CD109: variants seen among roughly 807,000 people sequenced by gnomAD.
CD109 encodes the protein CD109 molecule.
In CD109, 149 loss-of-function variants were observed where a neutral mutation model predicts 165.8. The observed-to-expected ratio is 0.90, with a 90% CI of 0.79 to 1.03. CD109 has a LOEUF of 1.03. CD109 is among the 50% of genes least tolerant of loss of function. CD109 has a pLI of 0.00. For synonymous variants in CD109, 585 were observed against 592.1 expected, an observed-to-expected ratio of 0.99 and a Z score of 0.18; for missense variants, 1,712 against 1,677.8, an observed-to-expected ratio of 1.02 and a Z score of -0.36.
intron 20 of CD109, among the ~76,000 whole-genome samples, chr6:73,786,011 T>A (rs1278465782): frequency 6.6e-6 from 1 of 152,098 alleles, no homozygotes; most frequent in Non-Finnish European, 1.5e-5. Context: ...GCCCAGCTAA[T>A]TTTTGTGTTT....
intron 3 of CD109, 52 bp from the exon 4 acceptor site, chr6:73,730,292 T>A (rs986994902): frequency 8.8e-7 from 1 of 1,137,158 alleles, no homozygotes; most frequent in Non-Finnish European, 1.3e-6. Flanking sequence ...AATTAAAACA[T>A]TTTTGAGGTA....
At chr6:73,752,756 T>C (rs1459985529) in intron 5 of CD109, among the ~76,000 whole-genome samples, 1 of 152,206 alleles carries the variant, frequency 6.6e-6, no homozygotes, top group Non-Finnish European at 1.5e-5. Flanking sequence ...TTAAAAGACA[T>C]GCTGCCCAAG....
rs773349997 is a variant in CD109, at chr6:73,768,188, G to A, written c.1631G>A (p.Ser544Asn). Residue 544 changes from serine to asparagine, a missense_variant, in exon 14 of 33, where the codon AGT (serine) becomes AAT (asparagine). By Grantham distance (46) the Ser-to-Asn change is conservative (BLOSUM62 1). Coordinates refer to ENST00000287097, the MANE Select transcript of CD109 (RefSeq NM_133493.5). The part of the protein sequence containing the change: ...YYIEDDGEII[S>N]DVLKIPVQLV... ...ATTGAAGATGATGGGGAAATTATAAGTGATGTTCTAAAAATTCCTGTTCAG... is the reference window on the plus strand; with the variant it reads ...ATTGAAGATGATGGGGAAATTATAAATGATGTTCTAAAAATTCCTGTTCAG... 1.9e-5 allele frequency: 31 copies of A among 1,595,592 alleles called. No individual in the cohort carries two copies. The South Asian group carries it at 2.0e-4, about 10-fold the overall frequency.
In CD109 at chr6:73,824,859, A is replaced by G. The variant is rs1335891866; in HGVS notation, c.*1226A>G. 2.0e-5 allele frequency: 3 copies of G among 152,038 alleles called. No homozygotes were observed. Among genetic ancestry groups the G allele is most frequent in the Non-Finnish European group, 4.4e-5 (3 of 68,006 alleles). The allele number at this position is 152,038 out of a possible 1,614,324, so 9.4% of individuals were successfully genotyped here. ...TCCCTTTCTTCTTTGCCTTCTAAAT[A>G]TACTGAAATGATTTAGATATGTGTC... On this transcript the variant is annotated 3_prime_UTR_variant, in exon 33 of 33. Coordinates refer to ENST00000287097, the MANE Select transcript of CD109 (RefSeq NM_133493.5).
rs754018053 is a variant in CD109 at position 73,781,778 on chromosome 6, GACAC to G, written c.1963+473_1963+476del. ...ACACACACACACACACACAGACACA[GACAC>G]ACACACACACACAGAGACATAGACA... On this transcript the variant is annotated intron_variant, in intron 17 of 32. Transcript: ENST00000287097. 1.0e-4 allele frequency among the ~76,000 whole-genome samples: 13 copies of G among 124,088 alleles called. No individual in the cohort carries two copies. In the East Asian group the frequency reaches 2.1e-3, roughly 20 times the overall value. 81.4% of individuals were successfully genotyped at this position (124,088 alleles called of 152,430 possible). A position where few individuals can be genotyped will look rare whatever the true frequency, so the allele number is the denominator to read the frequency against.
chr6:73,742,197 C>CAGGG (rs1772814403), intron 5 of CD109, among the ~76,000 whole-genome samples: 1 of 149,560 alleles, frequency 6.7e-6, no homozygotes, highest in African/African-American at 2.5e-5. Flanking sequence ...CCCCCAGCCC[C>CAGGG]TGGCAGCCAC....
In CD109 at chr6:73,741,772, G is replaced by A. The variant is rs544890767; in HGVS notation, c.633+5264G>A. On this transcript the variant is annotated intron_variant, in intron 5 of 32. Transcript: ENST00000287097. ...TGCAACCTCCACCTCCCAGGTTGAA[G>A]TGATTTTCCTGCCTCAGCCTCCTGA... Among the ~76,000 whole-genome samples the A allele has an allele frequency of 2.2e-3, 332 of 152,306 alleles. 2 individuals are homozygous for A. Among genetic ancestry groups the A allele is most frequent in the Admixed American group, 5.6e-3 (86 of 15,292 alleles).
intron 5 of CD109, among the ~76,000 whole-genome samples, chr6:73,748,107 T>C (rs9350504): frequency 0.074 from 11,228 of 152,166 alleles, 870 homozygotes; most frequent in East Asian, 0.35. Context: ...TTAGCTCAAG[T>C]GATCTGCCTG....
At chr6:73,762,983 T>C in intron 9 of CD109, 101 bp downstream of exon 9, 1 of 1,028,418 alleles carries the variant, frequency 9.7e-7, no homozygotes, top group Non-Finnish European at 1.4e-6. Context: ...TCATTGACTT[T>C]CTAAAGATGC....
intron 7 of CD109, among the ~76,000 whole-genome samples, chr6:73,760,758 T>C (rs893326066): frequency 2.0e-5 from 3 of 152,122 alleles, no homozygotes; most frequent in African/African-American, 7.2e-5. Context: ...AAGCAGAGAA[T>C]TGATTGAACC....
At chr6:73,700,497 A>T (rs1465679602) in intron 2 of CD109, among the ~76,000 whole-genome samples, 1 of 152,182 alleles carries the variant, frequency 6.6e-6, no homozygotes, top group Non-Finnish European at 1.5e-5. Flanking sequence ...TATTTCCAGC[A>T]GTTTTGGATT....
At position 73,797,147 on chromosome 6, in the gene CD109, C is replaced by T. The variant is rs2118335; in HGVS notation, c.2878+4345C>T. On this transcript the variant is annotated intron_variant, in intron 23 of 32. Coordinates refer to ENST00000287097, the MANE Select transcript of CD109 (RefSeq NM_133493.5). ...AGCGCATTGTTTTACTTAAATCATG[C>T]TTGGCCCAGGAGTTCTGTAACCTAA... Among the ~76,000 whole-genome samples, 167 of 152,288 alleles carry T rather than the reference C, an allele frequency of 1.1e-3. 1 individual carries two copies. The highest frequency in any genetic ancestry group is 3.9e-3 in the African/African-American group (160 of 41,558).
intron 5 of CD109, among the ~76,000 whole-genome samples, chr6:73,745,459 G>A (rs1772947027): frequency 6.6e-6 from 1 of 152,174 alleles, no homozygotes; most frequent in Non-Finnish European, 1.5e-5. Flanking sequence ...GATGTCAACA[G>A]GGCTTGCTGT....
At chr6:73,765,419 A>G (rs919687980) in intron 10 of CD109, among the ~76,000 whole-genome samples, 3 of 152,172 alleles carry the variant, frequency 2.0e-5, no homozygotes, top group African/African-American at 7.2e-5. Flanking sequence ...GAAAATAGGA[A>G]AATGACATGG....
chr6:73,737,830 G>A (rs150948927), intron 5 of CD109, among the ~76,000 whole-genome samples: 366 of 152,356 alleles, frequency 2.4e-3, no homozygotes, highest in African/African-American at 8.3e-3. Context: ...ACTGGAGCAT[G>A]TGGAGAATGA....
chr6:73,754,444 G>T (rs1321693491), intron 5 of CD109, among the ~76,000 whole-genome samples: 1 of 152,178 alleles, frequency 6.6e-6, no homozygotes. Context: ...ACGGTCAATG[G>T]AAAGATGGAA....
chr6:73,763,781 A>T, intron 10 of CD109, 96 bp downstream of exon 10: 1 of 572,726 alleles, frequency 1.7e-6, no homozygotes, highest in Non-Finnish European at 2.9e-6. Flanking sequence ...TAAAAATTTA[A>T]GCCAAAAAGT....
At chr6:73,747,540 T>G (rs1171312001) in intron 5 of CD109, among the ~76,000 whole-genome samples, 3 of 152,190 alleles carry the variant, frequency 2.0e-5, no homozygotes, top group Non-Finnish European at 2.9e-5. Context: ...ATGGTTTCAG[T>G]TTCCATCTAT....
chr6:73,760,269 C>T (rs909628327), intron 7 of CD109, among the ~76,000 whole-genome samples: 4 of 151,446 alleles, frequency 2.6e-5, no homozygotes, highest in Non-Finnish European at 5.9e-5. Flanking sequence ...TAGCCGGGCG[C>T]GGTGGCGGGC....
Sources: allele counts gnomAD v4.1 joint callset (sites outside exome capture counted in the v4.1 genomes callset), GRCh38; gene constraint gnomAD v4.1.1; transcripts MANE v1.5; gene names NCBI Gene and HGNC (gene_info 2026-07-23, HGNC 2026-07-21).